EIPR1: variants seen among roughly 807,000 people sequenced by gnomAD.
EIPR1 encodes the protein EARP and GARP complex-interacting protein 1.
Under a neutral mutation model 48.1 loss-of-function variants are expected in EIPR1, and 25 were observed. That is an observed-to-expected ratio of 0.52 (90% CI 0.38 to 0.73). EIPR1 has a LOEUF of 0.73. Ranked by LOEUF, EIPR1 falls within the 30% of genes least tolerant of loss-of-function variation. The probability of loss-of-function intolerance (pLI) is 0.00; values close to 1 mark genes in which losing one functional copy is unlikely to be tolerated. For missense variants in EIPR1, 415 were observed against 506.2 expected, an observed-to-expected ratio of 0.82 and a Z score of 1.73; for synonymous variants, 204 against 201.9, an observed-to-expected ratio of 1.01 and a Z score of -0.09.
intron 3 of EIPR1, chr2:3,319,251 C>G: frequency 3.2e-6 from 1 of 316,908 alleles, no homozygotes; most frequent in South Asian, 2.8e-5. Flanking sequence ...AGCCTTGTAG[C>G]TGTAGGTCAG....
At chr2:3,352,723 G>A (rs749874249) in intron 2 of EIPR1, among the ~76,000 whole-genome samples, 6 of 152,260 alleles carry the variant, frequency 3.9e-5, no homozygotes, top group Non-Finnish European at 7.3e-5. Context: ...GTGGCTGGGC[G>A]CAGTGGCTCA....
chr2:3,331,017 G>A (rs1669880255), intron 3 of EIPR1, among the ~76,000 whole-genome samples: 1 of 128,722 alleles, frequency 7.8e-6, no homozygotes, highest in Admixed American at 7.4e-5. Context: ...CTCATGAGGT[G>A]GTGTGAGCAG....
chr2:3,273,371 T>A (rs1007965021), intron 3 of EIPR1, among the ~76,000 whole-genome samples: 3 of 152,100 alleles, frequency 2.0e-5, no homozygotes, highest in African/African-American at 7.2e-5. Flanking sequence ...AGGCCACAGA[T>A]AGAACGGGAA....
In EIPR1 at chr2:3,189,499, C is replaced by T. The variant is rs766046645; in HGVS notation, c.999G>A (p.Glu333=). The change falls in exon 9 of 9, where the codon GAG becomes GAA. Residue 333 remains glutamate (E), a synonymous_variant. Coordinates refer to ENST00000382125, the MANE Select transcript of EIPR1 (RefSeq NM_003310.5). This position sits in a 1 kb window ranked among gnomAD's most constrained non-coding sequence, Gnocchi z 4.6. ...TGGCGATCACGTTGTCCTGCAGGGG[C>T]TCCTTGCTCCTGCAATGCAACAGAG... The part of the protein sequence containing the change: ...EDHRSEEKSK[E]PLQDNVIATY... 1.4e-5 allele frequency: 21 copies of T among 1,553,246 alleles called. 1 individual carries two copies. In the South Asian group the frequency reaches 2.1e-4, roughly 16 times the overall value.
Position 3,269,396 on chromosome 2 carries a change from G to A in EIPR1, c.260-11941C>T, listed in dbSNP as rs36139237. Among the ~76,000 whole-genome samples the A allele has an allele frequency of 8.3e-3, 266 of 32,144 alleles. 41 individuals are homozygous for A. The highest frequency in any genetic ancestry group is 0.024 in the Middle Eastern group (1 of 42). 21.1% of individuals were successfully genotyped at this position (32,144 alleles called of 152,430 possible). ...TCATCGCACTCAGTCATCGCACTCAGTCATCGCACTCAATCATCGCACTCA... is the reference window on the plus strand; with the variant it reads ...TCATCGCACTCAGTCATCGCACTCAATCATCGCACTCAATCATCGCACTCA... On this transcript the variant is annotated intron_variant, in intron 3 of 8. Transcript: ENST00000382125.
chr2:3,319,577 T>A (rs1669427807), intron 3 of EIPR1: 1 of 162,532 alleles, frequency 6.2e-6, no homozygotes. Context: ...TCCAGTCTTC[T>A]GAGGTTTCCT....
At chr2:3,351,960 G>A (rs1254670370) in intron 2 of EIPR1, among the ~76,000 whole-genome samples, 4 of 152,216 alleles carry the variant, frequency 2.6e-5, no homozygotes, top group African/African-American at 4.8e-5. Flanking sequence ...CCCGAAACGT[G>A]AGTCATCCCT....
At chr2:3,232,722 T>C (rs1291608441) in intron 4 of EIPR1, among the ~76,000 whole-genome samples, 4 of 152,186 alleles carry the variant, frequency 2.6e-5, no homozygotes, top group Non-Finnish European at 4.4e-5. Context: ...CCATGTTGAA[T>C]AGGCCTGAAT....
rs544378107 is a variant in EIPR1, at chr2:3,274,435, G to C, written c.260-16980C>G. ...CAACAAAATGCTAGAAAAAAAGTCA[G>C]GGCAGAACTGTTCAGTCAGCTAAAT... On this transcript the variant is annotated intron_variant, in intron 3 of 8. Coordinates refer to ENST00000382125, the MANE Select transcript of EIPR1 (RefSeq NM_003310.5). The C allele has an allele frequency of 4.1e-5, 64 of 1,549,642 alleles. 1 individual carries two copies. The South Asian group carries it at 6.8e-4, about 16-fold the overall frequency.
chr2:3,192,633 C>G, intron 7 of EIPR1, 52 bp from the exon 8 acceptor site: 1 of 1,585,052 alleles, frequency 6.3e-7, no homozygotes, highest in Admixed American at 1.7e-5. Context: ...CAGGCAACAC[C>G]AACAATGGAT....
intron 3 of EIPR1, among the ~76,000 whole-genome samples, chr2:3,321,361 G>A (rs1572440503): frequency 6.6e-6 from 1 of 152,322 alleles, no homozygotes; most frequent in East Asian, 1.9e-4. Context: ...CTTGAGAAAT[G>A]TATCAGCATC....
chr2:3,196,379 G>A (rs577664101), intron 6 of EIPR1, among the ~76,000 whole-genome samples: 2 of 152,146 alleles, frequency 1.3e-5, no homozygotes, highest in East Asian at 1.9e-4. Context: ...CAACTGGAAC[G>A]GAAAACTCGC....
chr2:3,220,312 T>C (rs1335448572), intron 4 of EIPR1, among the ~76,000 whole-genome samples: 1 of 151,932 alleles, frequency 6.6e-6, no homozygotes, highest in African/African-American at 2.4e-5. Context: ...ACTAGAGCAT[T>C]CACAGTGAGT....
rs539807885 is a variant in EIPR1 at position 3,300,391 on chromosome 2, C to A, written c.259+37626G>T. ...AAATGCCTTTACACAGGCCCGCCCC[C>A]TCTCCTTCTCGTCAGTGCCTCAGCT... On this transcript the variant is annotated intron_variant, in intron 3 of 8. Transcript: ENST00000382125. Among the ~76,000 whole-genome samples, 6 of 152,276 alleles carry A rather than the reference C, an allele frequency of 3.9e-5. No homozygotes were observed. The South Asian group carries it at 1.2e-3, about 32-fold the overall frequency.
chr2:3,283,944 TA>T lies in EIPR1; in HGVS notation c.260-26490del, dbSNP rs59593196. On this transcript the variant is annotated intron_variant, in intron 3 of 8. Transcript: ENST00000382125. Reference sequence around the variant, plus strand: ...CTGGGTGACAAAGCGAGACTACATCTAAAAAAAAAAAAAAAAAAAAAGAAAG... The same window carrying T: ...CTGGGTGACAAAGCGAGACTACATCTAAAAAAAAAAAAAAAAAAAAGAAAG... Among the ~76,000 whole-genome samples, 3,484 of 92,896 alleles carry T rather than the reference TA, an allele frequency of 0.038. 548 individuals carry two copies. In the East Asian group the frequency reaches 0.52, roughly 14 times the overall value. The allele number at this position is 92,896 out of a possible 152,430, so 60.9% of individuals were successfully genotyped here.
intron 3 of EIPR1, among the ~76,000 whole-genome samples, chr2:3,283,944 TAAAAAAAAA>T (rs59593196): frequency 3.2e-5 from 3 of 92,906 alleles, no homozygotes; most frequent in Admixed American, 1.1e-4. Context: ...AGACTACATC[TAAAAAAAAA>T]AAAAAAAAAA....
At chr2:3,270,168 C>T (rs1180445697) in intron 3 of EIPR1, among the ~76,000 whole-genome samples, 2 of 152,178 alleles carry the variant, frequency 1.3e-5, no homozygotes, top group Non-Finnish European at 2.9e-5. Flanking sequence ...TTGGAAAGCA[C>T]AAAGCAGGGG....
At chr2:3,295,934 T>C (rs1471758817) in intron 3 of EIPR1, among the ~76,000 whole-genome samples, 45 of 22,938 alleles carry the variant, frequency 2.0e-3, no homozygotes, top group Admixed American at 2.7e-3. Flanking sequence ...CATCCTCTCC[T>C]TGCACACACA....
chr2:3,310,088 C>A (rs1669076810), intron 3 of EIPR1, among the ~76,000 whole-genome samples: 2 of 152,128 alleles, frequency 1.3e-5, no homozygotes, highest in South Asian at 4.1e-4. Flanking sequence ...GGTTATGTGC[C>A]CACGGCAAGG....
Sources: allele counts gnomAD v4.1 joint callset (sites outside exome capture counted in the v4.1 genomes callset), GRCh38; gene constraint gnomAD v4.1.1; non-coding constraint Gnocchi (gnomAD v3.1); transcripts MANE v1.5; gene names NCBI Gene and HGNC (gene_info 2026-07-23, HGNC 2026-07-21).